The following DLGAP1 variants were observed in gnomAD, a reference collection of about 807,000 sequenced individuals.
DLGAP1 encodes the protein disks large-associated protein 1.
In DLGAP1, 11 loss-of-function variants were observed where a neutral mutation model predicts 90.8. The ratio of observed to expected loss-of-function variants is 0.12; its 90% CI spans 0.08 to 0.20. DLGAP1 has a LOEUF of 0.20. Among genes scored for constraint, DLGAP1 ranks in the 10% least tolerant of loss-of-function variants. DLGAP1 has a pLI of 1.00. For synonymous variants in DLGAP1, 558 were observed against 540.7 expected, an observed-to-expected ratio of 1.03 and a Z score of -0.44; for missense variants, 1,050 against 1,333.8, an observed-to-expected ratio of 0.79 and a Z score of 3.31.
chr18:3,734,630 C>A (rs138194671), intron 6 of DLGAP1, among the ~76,000 whole-genome samples: 32 of 152,258 alleles, frequency 2.1e-4, no homozygotes, highest in Non-Finnish European at 3.7e-4. Context: ...TGATACTGTG[C>A]TGTTTTGATT....
rs561715539 is a variant in DLGAP1, at chr18:3,908,924, C to T, written c.-72-28784G>A. Among the ~76,000 whole-genome samples, 16 of 152,280 alleles carry T rather than the reference C, an allele frequency of 1.1e-4. No homozygotes were observed. The South Asian group carries it at 3.3e-3, about 32-fold the overall frequency. The stretch of plus-strand genomic sequence containing the variant: ...CTTACAGCACAGTAATAGGACCCCT[C>T]ATTCATCTTCTTCTCTACTGTTCTG... On this transcript the variant is annotated intron_variant, in intron 3 of 12. Transcript: ENST00000315677.
intron 1 of DLGAP1, among the ~76,000 whole-genome samples, chr18:4,331,347 C>A (rs1403389343): frequency 6.6e-6 from 1 of 151,742 alleles, no homozygotes; most frequent in Non-Finnish European, 1.5e-5. Context: ...TAGGAAATGA[C>A]TCCATTCCTC....
intron 9 of DLGAP1, among the ~76,000 whole-genome samples, chr18:3,547,761 CAG>C (rs534333788): frequency 2.0e-3 from 302 of 152,226 alleles, no homozygotes; most frequent in Middle Eastern, 6.8e-3. Flanking sequence ...GAATTTAAAA[CAG>C]ATGTTCAAAG....
intron 4 of DLGAP1, among the ~76,000 whole-genome samples, chr18:3,840,439 G>A (rs1366001920): frequency 6.6e-6 from 1 of 152,140 alleles, no homozygotes. Flanking sequence ...CAAGAGCAAA[G>A]CATCTTCAAA....
chr18:3,523,847 CAA>C (rs36093730), intron 10 of DLGAP1, among the ~76,000 whole-genome samples: 26 of 114,298 alleles, frequency 2.3e-4, no homozygotes, highest in African/African-American at 3.7e-4. Flanking sequence ...GACTCTGTCT[CAA>C]AAAAAAAAAA....
intron 1 of DLGAP1, among the ~76,000 whole-genome samples, chr18:4,444,688 A>C (rs769557399): frequency 1.3e-4 from 20 of 152,212 alleles, no homozygotes; most frequent in Admixed American, 1.2e-3. Flanking sequence ...AGTAATTTTT[A>C]AATTCTTTAC....
At chr18:3,892,335 G>C (rs2071491354) in intron 3 of DLGAP1, among the ~76,000 whole-genome samples, 2 of 152,122 alleles carry the variant, frequency 1.3e-5, no homozygotes, top group African/African-American at 4.8e-5. Flanking sequence ...CCATCTGCCA[G>C]ACAGCCCTGT....
At chr18:3,744,156 C>A (rs1282042550) in intron 5 of DLGAP1, among the ~76,000 whole-genome samples, 2 of 151,926 alleles carry the variant, frequency 1.3e-5, no homozygotes, top group Admixed American at 6.6e-5. Context: ...GTAATATAAA[C>A]ATTGTAAAGA....
intron 9 of DLGAP1, among the ~76,000 whole-genome samples, chr18:3,542,885 A>C (rs1343593329): frequency 6.6e-6 from 1 of 152,222 alleles, no homozygotes; most frequent in Non-Finnish European, 1.5e-5. Flanking sequence ...TTGTTTCTGA[A>C]GTGGAGATTA....
At position 3,502,507 on chromosome 18, in the gene DLGAP1, G is replaced by A; in HGVS notation, c.2710C>T (p.Pro904Ser). The A allele has an allele frequency of 6.2e-7, 1 of 1,614,084 alleles. No homozygotes were observed. Among genetic ancestry groups the A allele is most frequent in the Non-Finnish European group, 8.5e-7 (1 of 1,179,996 alleles). The stretch of plus-strand genomic sequence containing the variant: ...CATTGTTCTACCTTCTTGTCAAGAG[G>A]ATCCATCTGTTTCCAATTATTGGCC... ...LKANNWKQMD[P>S]LDKKERRAPP... Residue 904 changes from proline to serine, a missense_variant, in exon 12 of 13, where the codon CCT (proline) becomes TCT (serine). Around this residue, in one of 2 missense-constraint regions of DLGAP1, gnomAD observed 565 missense variants for 879.7 expected, o/e 0.64. Transcript: ENST00000315677.
intron 7 of DLGAP1, among the ~76,000 whole-genome samples, chr18:3,649,827 A>T (rs576945767): frequency 1.3e-5 from 2 of 152,150 alleles, no homozygotes; most frequent in South Asian, 2.1e-4. Flanking sequence ...AATGTGAGAG[A>T]GCTCTGAGAT....
chr18:4,186,039 T>C (rs1290891365), intron 1 of DLGAP1, among the ~76,000 whole-genome samples: 2 of 151,862 alleles, frequency 1.3e-5, no homozygotes, highest in Non-Finnish European at 2.9e-5. Context: ...ATCAGTGATA[T>C]TGAGTTTTTT....
chr18:3,510,095 T>A (rs1341469023), intron 10 of DLGAP1, among the ~76,000 whole-genome samples: 1 of 106,672 alleles, frequency 9.4e-6, no homozygotes. Flanking sequence ...TTTTCCTCTT[T>A]AACTAATAAA....
intron 7 of DLGAP1, chr18:3,656,134 G>A: frequency 2.6e-6 from 4 of 1,545,500 alleles, no homozygotes; most frequent in Non-Finnish European, 3.5e-6. Flanking sequence ...AACAAAAAGT[G>A]GCAGTTATAT....
At position 4,217,946 on chromosome 18, in the gene DLGAP1, A is replaced by G. The variant is rs146718617; in HGVS notation, c.-266-66659T>C. ...TCCAAGTTATCAATTTTTTTCTTTC[A>G]TGAATTGTACTTTTGGTATTATATC... On this transcript the variant is annotated intron_variant, in intron 1 of 12. Coordinates refer to ENST00000315677, the MANE Select transcript of DLGAP1 (RefSeq NM_004746.4). Among the ~76,000 whole-genome samples, 661 of 152,074 alleles carry G rather than the reference A, an allele frequency of 4.3e-3. 5 individuals are homozygous for G. The highest frequency in any genetic ancestry group is 4.9e-3 in the Non-Finnish European group (334 of 67,932).
chr18:3,914,062 TG>T (rs35859456), intron 3 of DLGAP1, among the ~76,000 whole-genome samples: 71 of 152,256 alleles, frequency 4.7e-4, no homozygotes, highest in African/African-American at 1.6e-3. Flanking sequence ...TATTTATGGG[TG>T]GGGGGAATAT....
intron 5 of DLGAP1, among the ~76,000 whole-genome samples, chr18:3,787,242 G>A (rs1598745148): frequency 6.6e-6 from 1 of 152,190 alleles, no homozygotes; most frequent in East Asian, 1.9e-4. Flanking sequence ...CCAGCACTTT[G>A]GGAGGCCGAG....
At chr18:4,306,033 T>TACACAC (rs3041181) in intron 1 of DLGAP1, among the ~76,000 whole-genome samples, 5,631 of 142,098 alleles carry the variant, frequency 0.04, 204 homozygotes, top group African/African-American at 0.074. Context: ...CACACACAAA[T>TACACAC]ACACACACAC....
chr18:4,252,429 T>C (rs1002506451), intron 1 of DLGAP1, among the ~76,000 whole-genome samples: 8 of 152,190 alleles, frequency 5.3e-5, no homozygotes, highest in Non-Finnish European at 1.2e-4. Context: ...GAGAAAAGTA[T>C]TTGAAGTTGA....
Sources: allele counts gnomAD v4.1 joint callset (sites outside exome capture counted in the v4.1 genomes callset), GRCh38; gene constraint gnomAD v4.1.1; regional missense constraint gnomAD v4.1.1; transcripts MANE v1.5; gene names NCBI Gene and HGNC (gene_info 2026-07-23, HGNC 2026-07-21).